The following SLC25A42 variants were observed in gnomAD, a reference collection of about 807,000 sequenced individuals.
SLC25A42 encodes the protein mitochondrial coenzyme A transporter SLC25A42.
In SLC25A42, 19 loss-of-function variants were observed where a neutral mutation model predicts 34.7. The ratio of observed to expected loss-of-function variants is 0.55; its 90% CI spans 0.38 to 0.80. The LOEUF is 0.80. Among genes scored for constraint, SLC25A42 ranks in the 30% least tolerant of loss-of-function variants. The pLI, the probability that SLC25A42 is intolerant of heterozygous loss-of-function variation, is 0.00. For missense variants in SLC25A42, 364 were observed against 441.3 expected, an observed-to-expected ratio of 0.82 and a Z score of 1.57; for synonymous variants, 205 against 191.2, an observed-to-expected ratio of 1.07 and a Z score of -0.59.
At chr19:19,078,330 GAC>G (rs1358286856) in intron 1 of SLC25A42, among the ~76,000 whole-genome samples, 1 of 152,162 alleles carries the variant, frequency 6.6e-6, no homozygotes, top group East Asian at 1.9e-4. Context: ...GCGTATGCCT[GAC>G]ACAGCCTCAG....
At chr19:19,107,316 CA>C (rs59963919) in intron 6 of SLC25A42, among the ~76,000 whole-genome samples, 1 of 131,776 alleles carries the variant, frequency 7.6e-6, no homozygotes, top group Admixed American at 8.0e-5. Flanking sequence ...ACCCTGTCTC[CA>C]AAAAAAAAAA....
chr19:19,069,900 A>G (rs1227167560), intron 1 of SLC25A42, among the ~76,000 whole-genome samples: 2 of 151,088 alleles, frequency 1.3e-5, no homozygotes, highest in African/African-American at 2.4e-5. Flanking sequence ...ATCTTCGCTC[A>G]CTGCAACCTC....
At chr19:19,067,999 G>T (rs2059610857) in intron 1 of SLC25A42, among the ~76,000 whole-genome samples, 1 of 152,140 alleles carries the variant, frequency 6.6e-6, no homozygotes, top group Non-Finnish European at 1.5e-5. Flanking sequence ...TTTGGGTTTT[G>T]CAAGACAGAG....
At chr19:19,074,674 TGTGTGTGTGTGACA>T (rs1187894002) in intron 1 of SLC25A42, among the ~76,000 whole-genome samples, 3 of 152,008 alleles carry the variant, frequency 2.0e-5, no homozygotes, top group Non-Finnish European at 2.9e-5. Flanking sequence ...CATATGAGTC[TGTGTGTGTGTGACA>T]GTGTGTGTGA....
chr19:19,071,010 T>TTTTTTTTTTTTA (rs397967500), intron 1 of SLC25A42, among the ~76,000 whole-genome samples: 1 of 147,992 alleles, frequency 6.8e-6, no homozygotes, highest in African/African-American at 2.5e-5. Context: ...TTTTTTTTTT[T>TTTTTTTTTTTTA]AATACAGGGT....
chr19:19,082,416 T>A (rs1405002857), intron 1 of SLC25A42, among the ~76,000 whole-genome samples: 1 of 152,198 alleles, frequency 6.6e-6, no homozygotes, highest in Non-Finnish European at 1.5e-5. Context: ...TCTTGCTCCA[T>A]CACCCAGGCT....
At position 19,112,072 on chromosome 19, in the gene SLC25A42, T is replaced by C. The variant is rs1355683763; in HGVS notation, c.*1196T>C. 6.6e-6 allele frequency: 1 copy of C among 151,996 alleles called. No individual in the cohort carries two copies. Among genetic ancestry groups the C allele is most frequent in the African/African-American group, 2.4e-5 (1 of 41,328 alleles). The allele number at this position is 151,996 out of a possible 1,614,324, so 9.4% of individuals were successfully genotyped here. A position where few individuals can be genotyped will look rare whatever the true frequency, so the allele number is the denominator to read the frequency against. On this transcript the variant is annotated 3_prime_UTR_variant, in exon 8 of 8. Transcript: ENST00000318596. The surrounding 1 kb of genome is among the most constrained non-coding windows in gnomAD (Gnocchi z 4.3). Reference sequence around the variant, plus strand: ...ACCCATTTCCTAATGACATGGTGAGTTTCTTGATTTCTTTTTTTTGTTTGT... The same window carrying C: ...ACCCATTTCCTAATGACATGGTGAGCTTCTTGATTTCTTTTTTTTGTTTGT...
chr19:19,104,458 AG>A (rs2059815076), intron 3 of SLC25A42, among the ~76,000 whole-genome samples: 1 of 152,194 alleles, frequency 6.6e-6, no homozygotes, highest in African/African-American at 2.4e-5. Context: ...CCCATGCCCA[AG>A]GGCAGCACAG....
intron 1 of SLC25A42, among the ~76,000 whole-genome samples, chr19:19,073,972 T>G (rs2059643560): frequency 6.6e-6 from 1 of 152,180 alleles, no homozygotes; most frequent in South Asian, 2.1e-4. Context: ...CCTCCCAAAG[T>G]GCTGGGATTA....
At chr19:19,067,194 C>T (rs1187149205) in intron 1 of SLC25A42, among the ~76,000 whole-genome samples, 1 of 152,150 alleles carries the variant, frequency 6.6e-6, no homozygotes, top group Non-Finnish European at 1.5e-5. Context: ...TCCTTTTGAA[C>T]ATCACTTCCA....
At chr19:19,089,869 A>AAAAAACAGAAAC (rs1555766883) in intron 1 of SLC25A42, among the ~76,000 whole-genome samples, 19 of 151,402 alleles carry the variant, frequency 1.3e-4, no homozygotes, top group African/African-American at 4.6e-4. Flanking sequence ...ACTCCGTCTC[A>AAAAAACAGAAAC]AAAAACAAAA....
chr19:19,065,097 T>C (rs2059594502), intron 1 of SLC25A42, among the ~76,000 whole-genome samples: 1 of 152,096 alleles, frequency 6.6e-6, no homozygotes, highest in African/African-American at 2.4e-5. Context: ...CTCAGAGGGA[T>C]TGGCAGGAGT....
intron 1 of SLC25A42, among the ~76,000 whole-genome samples, chr19:19,078,459 C>T (rs559172463): frequency 6.6e-6 from 1 of 152,300 alleles, no homozygotes; most frequent in Non-Finnish European, 1.5e-5. Context: ...CCCCTTTCCC[C>T]CACCCCATGT....
intron 1 of SLC25A42, among the ~76,000 whole-genome samples, chr19:19,067,021 C>CA (rs11419955): frequency 0.62 from 71,711 of 115,414 alleles, 21,571 homozygotes; most frequent in Admixed American, 0.71. Context: ...GACCCTGTCT[C>CA]AAAAAAAAAA....
At chr19:19,068,590 C>T (rs578050247) in intron 1 of SLC25A42, among the ~76,000 whole-genome samples, 1 of 152,160 alleles carries the variant, frequency 6.6e-6, no homozygotes, top group African/African-American at 2.4e-5. Flanking sequence ...ATTGCTTAAA[C>T]CCGGGAGGCG....
rs1035377215 is a variant in SLC25A42, at chr19:19,101,870, C to A, written c.171C>A (p.Thr57=). ...AKTAVAPLDR[T]KIIFQVSSKR... ...CAGCGGTAGCTCCCCTGGACCGAAC[C>A]AAAATCATCTTCCAAGGTAAGTGTT... Residue 57 remains threonine, a synonymous_variant, in exon 3 of 8, where the codon ACC becomes ACA. Coordinates refer to ENST00000318596, the MANE Select transcript of SLC25A42 (RefSeq NM_178526.5). 1.9e-6 allele frequency: 3 copies of A among 1,612,812 alleles called. No individual in the cohort carries two copies. The highest frequency in any genetic ancestry group is 3.3e-5 in the Admixed American group (2 of 59,910).
chr19:19,074,637 C>A (rs1414692118), intron 1 of SLC25A42, among the ~76,000 whole-genome samples: 1 of 152,068 alleles, frequency 6.6e-6, no homozygotes, highest in Non-Finnish European at 1.5e-5. Context: ...AGCTATGAGA[C>A]AGGCTCAAGG....
intron 5 of SLC25A42, chr19:19,105,960 A>G: frequency 1.8e-6 from 1 of 562,696 alleles, no homozygotes; most frequent in Non-Finnish European, 3.1e-6. Flanking sequence ...GTTTGTCTCC[A>G]GACGTTTCTC....
chr19:19,105,784 CTT>C, intron 5 of SLC25A42, 57 bp downstream of exon 5: 1 of 1,407,774 alleles, frequency 7.1e-7, no homozygotes, highest in Non-Finnish European at 9.5e-7. Flanking sequence ...GCCCCTCTCT[CTT>C]TCTTCTGCAC....
Sources: allele counts gnomAD v4.1 joint callset (sites outside exome capture counted in the v4.1 genomes callset), GRCh38; gene constraint gnomAD v4.1.1; non-coding constraint Gnocchi (gnomAD v3.1); transcripts MANE v1.5; gene names NCBI Gene and HGNC (gene_info 2026-07-23, HGNC 2026-07-21).